TMPRSS15: variants seen among roughly 807,000 people sequenced by gnomAD.
The protein encoded by TMPRSS15 is transmembrane serine protease 15.
Under a neutral mutation model 125.3 loss-of-function variants are expected in TMPRSS15, and 128 were observed. The observed-to-expected ratio is 1.02, with a 90% CI of 0.89 to 1.18. The LOEUF (loss-of-function observed/expected upper bound fraction) is 1.18, where lower values mean the gene tolerates loss of function less well. Among genes scored for constraint, TMPRSS15 ranks in the 50% most tolerant of loss-of-function variants. The pLI is 0.00. For missense variants in TMPRSS15, 1,283 were observed against 1,212.7 expected (o/e 1.06, Z -0.86); for synonymous variants, 446 against 423.2 (o/e 1.05, Z -0.66).
At chr21:18,456,986 A>G (rs1978454280) in intron 1 of TMPRSS15, among the ~76,000 whole-genome samples, 3 of 152,078 alleles carry the variant, frequency 2.0e-5, no homozygotes, top group South Asian at 4.1e-4. Context: ...TTTAGGCAAT[A>G]GAATGTTAGG....
In TMPRSS15 at chr21:18,279,024, G is replaced by C. The variant is rs138070518; in HGVS notation, c.2704C>G (p.Gln902Glu). ...IQPICLPEENQVFPPGRNCSI... is the reference protein window; with the variant it reads ...IQPICLPEENEVFPPGRNCSI... ...CAATTTCTTCCTGGAGGAAAAACTTGATTTTCTTCCGGTAAACAAATAGGT... is the reference window on the plus strand; with the variant it reads ...CAATTTCTTCCTGGAGGAAAAACTTCATTTTCTTCCGGTAAACAAATAGGT... The change falls in exon 23 of 25, where the codon CAA becomes GAA. Residue 902 changes from glutamine (Q) to glutamate (E), a missense_variant. By Grantham distance (29) the Gln-to-Glu change is conservative. Transcript: ENST00000284885. 7,450 of 1,531,200 alleles carry C rather than the reference G, an allele frequency of 4.9e-3. 34 individuals carry two copies. Among genetic ancestry groups the C allele is most frequent in the Non-Finnish European group, 5.9e-3 (6,664 of 1,130,506 alleles). The allele number at this position is 1,531,200 out of a possible 1,614,324, so 94.9% of individuals were successfully genotyped here. A position where few individuals can be genotyped will look rare whatever the true frequency, so the allele number is the denominator to read the frequency against.
intron 12 of TMPRSS15, 120 bp from the exon 13 acceptor site, chr21:18,341,668 C>G: frequency 3.6e-6 from 4 of 1,105,912 alleles, no homozygotes; most frequent in Non-Finnish European, 1.4e-6. Context: ...TCACCTTGAA[C>G]TATATGGTGA....
At chr21:18,470,726 G>C (rs1192417733) in intron 1 of TMPRSS15, among the ~76,000 whole-genome samples, 1 of 151,910 alleles carries the variant, frequency 6.6e-6, no homozygotes, top group Non-Finnish European at 1.5e-5. Context: ...ATTAGAACGA[G>C]AGGAAAGGAA....
intron 1 of TMPRSS15, among the ~76,000 whole-genome samples, chr21:18,439,974 G>T (rs544729325): frequency 1.6e-4 from 25 of 152,204 alleles, no homozygotes; most frequent in Admixed American, 7.2e-4. Context: ...GGGTTGTTGT[G>T]GATAAGTTTT....
chr21:18,371,260 T>C (rs532065063), intron 6 of TMPRSS15, among the ~76,000 whole-genome samples: 53 of 152,326 alleles, frequency 3.5e-4, no homozygotes, highest in African/African-American at 1.2e-3. Flanking sequence ...TTTATACTTA[T>C]ACATTGTTTA....
intron 4 of TMPRSS15, among the ~76,000 whole-genome samples, chr21:18,382,797 C>A (rs1416504094): frequency 2.0e-5 from 3 of 152,030 alleles, no homozygotes; most frequent in African/African-American, 7.2e-5. Flanking sequence ...CTGTTCTCAA[C>A]AATACTCAAT....
chr21:18,420,324 A>AT (rs2123189901), intron 1 of TMPRSS15, among the ~76,000 whole-genome samples: 1 of 152,244 alleles, frequency 6.6e-6, no homozygotes. Context: ...ATTTGCTGAA[A>AT]TCTCCTTCTT....
At chr21:18,470,813 C>A (rs1170083330) in intron 1 of TMPRSS15, among the ~76,000 whole-genome samples, 1 of 151,832 alleles carries the variant, frequency 6.6e-6, no homozygotes, top group Non-Finnish European at 1.5e-5. Context: ...AAGAGAGCCT[C>A]AAAATATAGT....
intron 1 of TMPRSS15, among the ~76,000 whole-genome samples, chr21:18,436,046 C>T (rs1416757668): frequency 6.0e-5 from 9 of 150,246 alleles, no homozygotes; most frequent in East Asian, 1.9e-4. Context: ...GTCTTGCTAG[C>T]GGTCTATCAA....
At chr21:18,345,701 A>G (rs1443488509) in intron 10 of TMPRSS15, among the ~76,000 whole-genome samples, 2 of 109,486 alleles carry the variant, frequency 1.8e-5, no homozygotes, top group Non-Finnish European at 3.6e-5. Flanking sequence ...AGGTCGTGCC[A>G]CTGCACTCCA....
intron 8 of TMPRSS15, among the ~76,000 whole-genome samples, chr21:18,357,954 T>G (rs192865975): frequency 6.6e-6 from 1 of 151,918 alleles, no homozygotes. Context: ...TATTTAATTT[T>G]CAAAACTTTA....
chr21:18,403,156 T>C (rs2076112398), intron 1 of TMPRSS15, among the ~76,000 whole-genome samples: 1 of 152,208 alleles, frequency 6.6e-6, no homozygotes, highest in Admixed American at 6.5e-5. Context: ...GGCCATGAAA[T>C]CTACTTGATT....
chr21:18,385,411 T>TAC (rs2075934260), intron 3 of TMPRSS15, among the ~76,000 whole-genome samples: 1 of 152,228 alleles, frequency 6.6e-6, no homozygotes, highest in African/African-American at 2.4e-5. Flanking sequence ...CCATTCTTTA[T>TAC]ACCAAACATG....
At position 18,294,257 on chromosome 21, in the gene TMPRSS15, A is replaced by C; in HGVS notation, c.2486+13T>G. On this transcript the variant is annotated intron_variant, in intron 21 of 24. Transcript: ENST00000284885. ...GACCTAGTTTGGGAAGGGACACTTG[A>C]CATCACACTCACCCATACACGCAGT... 1 of 1,613,958 alleles carries C rather than the reference A, an allele frequency of 6.2e-7. No homozygotes were observed. The highest frequency in any genetic ancestry group is 8.5e-7 in the Non-Finnish European group (1 of 1,180,034).
Position 18,329,215 on chromosome 21 carries a change from A to C in TMPRSS15, c.1734T>G (p.Asp578Glu), listed in dbSNP as rs773282560. The C allele has an allele frequency of 3.7e-6, 6 of 1,612,652 alleles. No homozygotes were observed. In the Admixed American group the frequency reaches 5.0e-5, roughly 13 times the overall value. Residue 578 changes from aspartate (D) to glutamate (E), a missense_variant, in exon 15 of 25, where the codon GAT becomes GAG. Transcript: ENST00000284885. ...FQEFDLENIN[D>E]VVEIRDGEEA... ...CTTCACCATCTCTTATTTCAACTAC[A>C]TCGTTAATATTTTCTAAGTCAAATT...
rs371917051 is a variant in TMPRSS15 at position 18,273,600 on chromosome 21, C to T, written c.2904+1597G>A. 2.6e-5 allele frequency among the ~76,000 whole-genome samples: 4 copies of T among 152,136 alleles called. No individual in the cohort carries two copies. The East Asian group carries it at 5.8e-4, about 22-fold the overall frequency. ...CTTAATGTAACCCTAAAATCAATAG[C>T]ATCAGCCGTCATATTTTCTGCCTAG... On this transcript the variant is annotated intron_variant, in intron 24 of 24. Transcript: ENST00000284885.
intron 1 of TMPRSS15, among the ~76,000 whole-genome samples, chr21:18,458,510 T>C (rs781375734): frequency 6.6e-6 from 1 of 152,130 alleles, no homozygotes; most frequent in Non-Finnish European, 1.5e-5. Context: ...AAGGCAGAAG[T>C]AGAACTCCAG....
At position 18,372,386 on chromosome 21, in the gene TMPRSS15, A is replaced by C. The variant is rs2075800936; in HGVS notation, c.533-62T>G. ...AGATATGTACAATGTTTAAATATTT[A>C]ATAGGCCTTTTTGCCACTGGGGTTC... On this transcript the variant is annotated intron_variant, in intron 5 of 24. Coordinates refer to ENST00000284885, the MANE Select transcript of TMPRSS15 (RefSeq NM_002772.3). 4 of 1,539,394 alleles carry C rather than the reference A, an allele frequency of 2.6e-6. No homozygotes were observed. In the South Asian group the frequency reaches 4.5e-5, roughly 17 times the overall value.
At chr21:18,270,197 C>G in intron 24 of TMPRSS15, 73 bp from the exon 25 acceptor site, 2 of 1,282,068 alleles carry the variant, frequency 1.6e-6, no homozygotes, top group Non-Finnish European at 2.2e-6. Flanking sequence ...TTATTTGTAT[C>G]AAATAAATTA....
Sources: allele counts gnomAD v4.1 joint callset (sites outside exome capture counted in the v4.1 genomes callset), GRCh38; gene constraint gnomAD v4.1.1; transcripts MANE v1.5; gene names NCBI Gene and HGNC (gene_info 2026-07-23, HGNC 2026-07-21).